ATRX: variants seen among roughly 807,000 people sequenced by gnomAD.
The protein encoded by ATRX is ATRX chromatin remodeler.
In ATRX, 12 loss-of-function variants were observed where a neutral mutation model predicts 172.6. That is an observed-to-expected ratio of 0.07 (90% CI 0.04 to 0.11). ATRX has a LOEUF of 0.11. ATRX is among the 10% of genes least tolerant of loss of function. ATRX has a pLI of 1.00. For synonymous variants in ATRX, 674 were observed against 594.7 expected, an observed-to-expected ratio of 1.13 and a Z score of -1.94; for missense variants, 1,368 against 1,767.4, an observed-to-expected ratio of 0.77 and a Z score of 4.05.
chrX:77,637,064 A>G (rs916434255), intron 15 of ATRX, among the ~76,000 whole-genome samples: 2 of 109,215 alleles, frequency 1.8e-5, no homozygotes, highest in Admixed American at 9.7e-5. Flanking sequence ...AAGAAAGAAG[A>G]AGGAGGAAGA....
chrX:77,717,333 T>C, intron 1 of ATRX, 90 bp from the exon 2 acceptor site: 2 of 715,737 alleles, frequency 2.8e-6, no homozygotes, highest in South Asian at 2.2e-5. Context: ...AATATAGCCA[T>C]ACTGTAAGTC....
chrX:77,776,831 G>A (rs2076366623), intron 1 of ATRX, among the ~76,000 whole-genome samples: 1 of 111,618 alleles, frequency 9.0e-6, no homozygotes, highest in African/African-American at 3.3e-5. Context: ...GTAGCTGGTA[G>A]ATGTCAGACG....
intron 15 of ATRX, 131 bp from the exon 16 acceptor site, chrX:77,636,187 G>C: frequency 6.2e-6 from 4 of 646,117 alleles, no homozygotes; most frequent in Non-Finnish European, 9.8e-6. Context: ...GGTATGATTT[G>C]GATCTGTGTC....
intron 30 of ATRX, among the ~76,000 whole-genome samples, chrX:77,537,617 T>C (rs1444874847): frequency 9.0e-6 from 1 of 110,878 alleles, no homozygotes; most frequent in Admixed American, 9.7e-5. Context: ...GGAGGATTGC[T>C]TGGGCTGAGG....
At chrX:77,630,503 G>A (rs1027726700) in intron 19 of ATRX, among the ~76,000 whole-genome samples, 1 of 111,996 alleles carries the variant, frequency 8.9e-6, no homozygotes, top group Admixed American at 9.5e-5. Flanking sequence ...CAAAGCTACA[G>A]TAATTAAAAC....
At position 77,574,655 on chromosome X, in the gene ATRX, T is replaced by C. The variant is rs3027539; in HGVS notation, c.6218-297A>G. Among the ~76,000 whole-genome samples, 6,084 of 111,771 alleles carry C rather than the reference T, an allele frequency of 0.054. 395 individuals carry two copies. The highest frequency in any genetic ancestry group is 0.19 in the African/African-American group (5,762 of 30,789). ...AGAATCCTTAAAACTGTCAAAAGAA[T>C]ATGATTAAACTTACATTTCGCTCAT... On this transcript the variant is annotated intron_variant, in intron 27 of 34. Transcript: ENST00000373344.
rs140838722 is a variant in ATRX, at chrX:77,631,533, T to A, written c.5134+1674A>T. On this transcript the variant is annotated intron_variant, in intron 19 of 34. Coordinates refer to ENST00000373344, the MANE Select transcript of ATRX (RefSeq NM_000489.6). Reference sequence around the variant, plus strand: ...AGTTAACATCATCAGTAACAGCAAGTGCTTATCATGTACCCCCGATATGAG... The same window carrying A: ...AGTTAACATCATCAGTAACAGCAAGAGCTTATCATGTACCCCCGATATGAG... Among the ~76,000 whole-genome samples, 5 of 111,157 alleles carry A rather than the reference T, an allele frequency of 4.5e-5. No homozygotes were observed. The East Asian group carries it at 1.4e-3, about 32-fold the overall frequency.
intron 26 of ATRX, among the ~76,000 whole-genome samples, chrX:77,592,400 C>G (rs1260809285): frequency 1.6e-5 from 1 of 62,093 alleles, no homozygotes; most frequent in African/African-American, 6.7e-5. Flanking sequence ...GTGACAAGAG[C>G]AAAACTCCGT....
chrX:77,588,323 CTTT>C (rs1557078313), intron 27 of ATRX, among the ~76,000 whole-genome samples: 1 of 112,348 alleles, frequency 8.9e-6, no homozygotes, highest in African/African-American at 3.2e-5. Flanking sequence ...CTATAAAACT[CTTT>C]TAAGCAAACA....
intron 1 of ATRX, among the ~76,000 whole-genome samples, chrX:77,758,329 G>A (rs782544740): frequency 8.3e-5 from 9 of 108,937 alleles, no homozygotes; most frequent in African/African-American, 3.0e-4. Flanking sequence ...CACGGAGTTT[G>A]CAGTGGGCCA....
At chrX:77,565,140 T>C (rs1483875921) in intron 28 of ATRX, among the ~76,000 whole-genome samples, 2 of 111,825 alleles carry the variant, frequency 1.8e-5, no homozygotes, top group Non-Finnish European at 3.8e-5. Flanking sequence ...ACAGGTAATC[T>C]TGAGCCTCTG....
chrX:77,607,338 T>C (rs1390209394), intron 22 of ATRX, among the ~76,000 whole-genome samples: 3 of 112,408 alleles, frequency 2.7e-5, no homozygotes, highest in Non-Finnish European at 5.6e-5. Context: ...GGCATTTCTA[T>C]ATGCCAACAG....
intron 27 of ATRX, among the ~76,000 whole-genome samples, chrX:77,585,021 A>G (rs1489559526): frequency 5.3e-5 from 6 of 112,200 alleles, no homozygotes; most frequent in Non-Finnish European, 1.1e-4. Flanking sequence ...TCTCAAAAGA[A>G]GACATACCAA....
chrX:77,584,995 C>G (rs782331506), intron 27 of ATRX, among the ~76,000 whole-genome samples: 1 of 111,598 alleles, frequency 9.0e-6, no homozygotes, highest in African/African-American at 3.2e-5. Flanking sequence ...TTAAAATGGA[C>G]AAAATAATAA....
At chrX:77,763,888 C>T (rs962643479) in intron 1 of ATRX, among the ~76,000 whole-genome samples, 3 of 111,114 alleles carry the variant, frequency 2.7e-5, no homozygotes, top group African/African-American at 6.5e-5. Flanking sequence ...CTGAGGCAAG[C>T]GGATCACTTG....
intron 1 of ATRX, among the ~76,000 whole-genome samples, chrX:77,726,506 T>A (rs1557173028): frequency 9.3e-6 from 1 of 107,258 alleles, no homozygotes. Flanking sequence ...ATAGCATTAG[T>A]AGATATACCT....
At chrX:77,719,428 A>G (rs1278943160) in intron 1 of ATRX, among the ~76,000 whole-genome samples, 9 of 111,437 alleles carry the variant, frequency 8.1e-5, no homozygotes, top group African/African-American at 3.3e-5. Flanking sequence ...TAGGATGGAT[A>G]TAATAATTTT....
At chrX:77,664,846 A>G in intron 10 of ATRX, 68 bp from the exon 11 acceptor site, 1 of 983,673 alleles carries the variant, frequency 1.0e-6, no homozygotes, top group Non-Finnish European at 1.4e-6. Flanking sequence ...ATTAAAAATA[A>G]AAACAGACTT....
At position 77,558,782 on chromosome X, in the gene ATRX, G is replaced by T. The variant is rs1557060370; in HGVS notation, c.6391C>A (p.Arg2131=). The change falls in exon 29 of 35, where the codon CGA becomes AGA. Residue 2131 remains arginine (R), a synonymous_variant. Coordinates refer to ENST00000373344, the MANE Select transcript of ATRX (RefSeq NM_000489.6). ...SLGINLVAAN[R]VIIFDASWNP... Reference sequence around the variant, plus strand: ...CAAGAAGCGTCGAATATAATTACTCGATTAGCAGCTACCAGATTAATTCCT... The same window carrying T: ...CAAGAAGCGTCGAATATAATTACTCTATTAGCAGCTACCAGATTAATTCCT... 8.3e-7 allele frequency: 1 copy of T among 1,202,458 alleles called. No individual in the cohort carries two copies. The highest frequency in any genetic ancestry group is 1.8e-5 in the South Asian group (1 of 56,748).
Sources: gnomAD v4.1 joint callset for allele counts (sites outside exome capture counted in the v4.1 genomes callset) on GRCh38, gnomAD v4.1.1 for gene constraint, MANE v1.5 for transcripts, NCBI Gene and HGNC (gene_info 2026-07-23, HGNC 2026-07-21) for gene names.